Variants in PDGFRB observed in about 807,000 individuals in gnomAD.
The protein encoded by PDGFRB is platelet-derived growth factor receptor beta.
In PDGFRB, 42 loss-of-function variants were observed where a neutral mutation model predicts 120.2. The observed-to-expected ratio is 0.35, with a 90% CI of 0.27 to 0.45. PDGFRB has a LOEUF of 0.45. Ranked by LOEUF, PDGFRB falls within the 20% of genes least tolerant of loss-of-function variation. The probability of loss-of-function intolerance (pLI) is 1.00; values close to 1 mark genes in which losing one functional copy is unlikely to be tolerated. For synonymous variants in PDGFRB, 586 were observed against 606.8 expected, an observed-to-expected ratio of 0.97 and a Z score of 0.50; for missense variants, 1,149 against 1,476.3, an observed-to-expected ratio of 0.78 and a Z score of 3.63.
chr5:150,119,383 T>C (rs1760060751), intron 20 of PDGFRB, 84 bp downstream of exon 20: 11 of 801,026 alleles, frequency 1.4e-5, no homozygotes, highest in South Asian at 1.3e-4. Flanking sequence ...CTAACAAATC[T>C]CTCATCTTTG....
intron 12 of PDGFRB, 116 bp downstream of exon 12, chr5:150,125,329 A>G: frequency 1.2e-6 from 1 of 841,862 alleles, no homozygotes; most frequent in Non-Finnish European, 1.8e-6. Flanking sequence ...CAGAGAAGGC[A>G]AGACACCAGC....
At chr5:150,134,179 A>C in intron 4 of PDGFRB, 171 bp from the exon 5 acceptor site, 1 of 643,132 alleles carries the variant, frequency 1.6e-6, no homozygotes, top group East Asian at 2.6e-5. Context: ...TATTCTGGAC[A>C]CTGGAGCAAC....
In PDGFRB at chr5:150,130,576, G is replaced by C. The variant is rs1211844128; in HGVS notation, c.1330C>G (p.Pro444Ala). The C allele has an allele frequency of 1.2e-6, 2 of 1,612,580 alleles. No individual in the cohort carries two copies. Among genetic ancestry groups the C allele is most frequent in the Non-Finnish European group, 1.7e-6 (2 of 1,179,676 alleles). Residue 444 changes from proline to alanine, a missense_variant, in exon 9 of 23, where the codon CCG becomes GCG. This residue lies in a region of PDGFRB where 879 missense variants were observed against 1,108.6 expected (regional missense o/e 0.79). Transcript: ENST00000261799. ...VRCRGRGMPQ[P>A]NIIWSACRDL... ...CTGCAGGCAGACCAGATGATGTTCG[G>C]CTGGGGCATGCCCCGGCCACGACAG...
intron 1 of PDGFRB, among the ~76,000 whole-genome samples, chr5:150,151,843 C>G (rs1313541296): frequency 8.5e-6 from 1 of 118,294 alleles, no homozygotes; most frequent in South Asian, 2.6e-4. Flanking sequence ...GCCTGGGCAA[C>G]AGAGTGAGAC....
chr5:150,148,719 A>C (rs577375686), intron 1 of PDGFRB, among the ~76,000 whole-genome samples: 2 of 152,384 alleles, frequency 1.3e-5, no homozygotes, highest in Admixed American at 6.5e-5. Context: ...ATGATGACGC[A>C]CAGCACTTGG....
Position 150,134,526 on chromosome 5 carries a change from A to C in PDGFRB, c.631+224T>G, listed in dbSNP as rs1197556412. 2.6e-5 allele frequency among the ~76,000 whole-genome samples: 4 copies of C among 152,246 alleles called. No individual in the cohort carries two copies. In the East Asian group the frequency reaches 7.7e-4, roughly 29 times the overall value. On this transcript the variant is annotated intron_variant, in intron 4 of 22. Coordinates refer to ENST00000261799, the MANE Select transcript of PDGFRB (RefSeq NM_002609.4). The stretch of plus-strand genomic sequence containing the variant: ...CCTCACCGACCATGTTGCACAGGCC[A>C]GCTCTGCCACTATCGAATTCTGCGA...
intron 10 of PDGFRB, among the ~76,000 whole-genome samples, chr5:150,126,922 G>C (rs1178524168): frequency 2.0e-5 from 3 of 152,176 alleles, no homozygotes; most frequent in Non-Finnish European, 4.4e-5. Context: ...ATCCTGTTCT[G>C]AGTTCCTGTC....
At chr5:150,130,143 C>T (rs562193994) in intron 9 of PDGFRB, among the ~76,000 whole-genome samples, 175 bp from the exon 10 acceptor site, 34 of 152,330 alleles carry the variant, frequency 2.2e-4, no homozygotes, top group African/African-American at 7.9e-4. Context: ...GCTCCCATCC[C>T]AGAACTGACA....
At chr5:150,116,970 G>A (rs1339385386) in intron 22 of PDGFRB, among the ~76,000 whole-genome samples, 1 of 152,194 alleles carries the variant, frequency 6.6e-6, no homozygotes, top group Non-Finnish European at 1.5e-5. Context: ...GCTGGATCTC[G>A]CTTTGGAGGT....
At position 150,120,046 on chromosome 5, in the gene PDGFRB, G is replaced by T; in HGVS notation, c.2664C>A (p.Ser888=). The change falls in exon 19 of 23, where the codon TCC becomes TCA. Residue 888 remains serine (S), a synonymous_variant. Coordinates refer to ENST00000261799, the MANE Select transcript of PDGFRB (RefSeq NM_002609.4). This position sits in a 1 kb window ranked among gnomAD's most constrained non-coding sequence, Gnocchi z 4.3. ...AGATCTCCCAGAGCAGGATCCCGAA[G>T]GACCACACGTCGCTCAGGGTGGTGT... is the stretch of plus-strand genomic sequence containing the variant. The part of the protein sequence containing the change: ...SLYTTLSDVW[S]FGILLWEIFT... 1 of 1,601,700 alleles carries T rather than the reference G, an allele frequency of 6.2e-7. No individual in the cohort carries two copies. Among genetic ancestry groups the T allele is most frequent in the Non-Finnish European group, 8.6e-7 (1 of 1,168,914 alleles).
At chr5:150,134,193 A>G (rs1760558551) in intron 4 of PDGFRB, 185 bp from the exon 5 acceptor site, 1 of 609,984 alleles carries the variant, frequency 1.6e-6, no homozygotes, top group East Asian at 2.7e-5. Context: ...GAGCAACAGT[A>G]GTGAACAAAG....
intron 10 of PDGFRB, among the ~76,000 whole-genome samples, chr5:150,126,956 C>T (rs1177217595): frequency 6.6e-6 from 1 of 152,200 alleles, no homozygotes; most frequent in African/African-American, 2.4e-5. Context: ...TCCCATTAGC[C>T]CTGGAGCCCC....
At chr5:150,136,147 C>A (rs944165468) in intron 2 of PDGFRB, among the ~76,000 whole-genome samples, 1 of 152,216 alleles carries the variant, frequency 6.6e-6, no homozygotes, top group African/African-American at 2.4e-5. Context: ...GCAGTAGGCA[C>A]CAGAAGGGGC....
chr5:150,142,256 C>A (rs1216251723), intron 1 of PDGFRB, among the ~76,000 whole-genome samples: 5 of 152,160 alleles, frequency 3.3e-5, no homozygotes. Flanking sequence ...CACCTGGCTG[C>A]GCAGCTCCCC....
rs1760103359 is a variant in PDGFRB, at chr5:150,120,697, T to C, written c.2586+191A>G. On this transcript the variant is annotated intron_variant, in intron 18 of 22. Coordinates refer to ENST00000261799, the MANE Select transcript of PDGFRB (RefSeq NM_002609.4). The surrounding 1 kb of genome is among the most constrained non-coding windows in gnomAD (Gnocchi z 4.3). ...CCGCCGCTATACTTGCTCCATGCAC[T>C]CCTGGGCGGCTCCCCATCCTGTCCC... Among the ~76,000 whole-genome samples the C allele has an allele frequency of 6.6e-6, 1 of 151,950 alleles. No homozygotes were observed. Among genetic ancestry groups the C allele is most frequent in the South Asian group, 2.1e-4 (1 of 4,812 alleles).
intron 22 of PDGFRB, among the ~76,000 whole-genome samples, chr5:150,116,331 G>A (rs1460722695): frequency 6.6e-6 from 1 of 152,168 alleles, no homozygotes; most frequent in Non-Finnish European, 1.5e-5. Flanking sequence ...AGAAGACACT[G>A]GCCGGGCGTG....
At chr5:150,123,003 G>A in intron 15 of PDGFRB, 39 bp downstream of exon 15, 1 of 1,581,234 alleles carries the variant, frequency 6.3e-7, no homozygotes, top group Non-Finnish European at 8.7e-7. Context: ...TGCTCCTCAG[G>A]TATCCCAAAG....
Position 150,129,781 on chromosome 5 carries a change from G to A in PDGFRB, c.1555C>T (p.Gln519Ter). 6.2e-7 allele frequency: 1 copy of A among 1,613,632 alleles called. No homozygotes were observed. The highest frequency in any genetic ancestry group is 1.1e-5 in the South Asian group (1 of 91,074). The change falls in exon 10 of 23, where the codon CAG becomes TAG. Residue 519 changes from glutamine to a stop codon, truncating the protein, a stop_gained. Transcript: ENST00000261799. LOFTEE classifies it high-confidence loss of function. Reference sequence around the variant, plus strand: ...CAGTGTGGCACCACGATGACCTCCTGCGTGTCCTGGCCCACAGCGTTGCGC... The same window carrying A: ...CAGTGTGGCACCACGATGACCTCCTACGTGTCCTGGCCCACAGCGTTGCGC... ...TLRNAVGQDTQEVIVVPHSLP... is the reference protein window; with the variant it reads ...TLRNAVGQDT
chr5:150,143,527 G>A lies in PDGFRB; in HGVS notation c.-6-6474C>T, dbSNP rs1760836790. Among the ~76,000 whole-genome samples the A allele has an allele frequency of 2.6e-5, 4 of 152,216 alleles. No homozygotes were observed. The South Asian group carries it at 8.3e-4, about 32-fold the overall frequency. Reference sequence around the variant, plus strand: ...CTGCCAGTTCCAGGCCTGGGAGTCTGTGGGGGCAAGAGGCATCTGGAGCCA... The same window carrying A: ...CTGCCAGTTCCAGGCCTGGGAGTCTATGGGGGCAAGAGGCATCTGGAGCCA... On this transcript the variant is annotated intron_variant, in intron 1 of 22. Coordinates refer to ENST00000261799, the MANE Select transcript of PDGFRB (RefSeq NM_002609.4).
Sources: gnomAD v4.1 joint callset for allele counts (sites outside exome capture counted in the v4.1 genomes callset) on GRCh38, gnomAD v4.1.1 for gene constraint, gnomAD v4.1.1 regional missense constraint, Gnocchi (gnomAD v3.1) non-coding constraint, MANE v1.5 for transcripts, NCBI Gene and HGNC (gene_info 2026-07-23, HGNC 2026-07-21) for gene names.